Variants in CHST7 observed in about 807,000 individuals in gnomAD.
CHST7 encodes the protein carbohydrate sulfotransferase 7, also known as N-acetylglucosamine 6-O-sulfotransferase 4.
In CHST7, 5 loss-of-function variants were observed where a neutral mutation model predicts 9.0. The observed-to-expected ratio is 0.56, with a 90% CI of 0.29 to 1.17. The LOEUF (loss-of-function observed/expected upper bound fraction) is 1.17, where lower values mean the gene tolerates loss of function less well. Among genes scored for constraint, CHST7 ranks in the 50% most tolerant of loss-of-function variants. The pLI is 0.08. For synonymous variants in CHST7, 244 were observed against 237.1 expected (o/e 1.03, Z -0.27); for missense variants, 377 against 485.1 (o/e 0.78, Z 2.09).
rs772615265 is a variant in CHST7, at chrX:46,574,813, G to T, written c.882G>T (p.Leu294=). The T allele has an allele frequency of 8.4e-6, 10 of 1,195,789 alleles. No homozygotes were observed. The highest frequency in any genetic ancestry group is 9.0e-6 in the Non-Finnish European group (8 of 887,620). The change falls in exon 1 of 2, where the codon CTG becomes CTT. Residue 294 remains leucine (L), a synonymous_variant. Coordinates refer to ENST00000276055, the MANE Select transcript of CHST7 (RefSeq NM_019886.4). Reference sequence around the variant, plus strand: ...CGCGCCTCAAGTCTAGGCAGGGACTGCTGCGCGAGAGCATCCAGGTGCTGC... The same window carrying T: ...CGCGCCTCAAGTCTAGGCAGGGACTTCTGCGCGAGAGCATCCAGGTGCTGC... The part of the protein sequence containing the change: ...HNSRLKSRQG[L]LRESIQVLRT...
chrX:46,586,708 T>C (rs1942551071), intron 1 of CHST7, among the ~76,000 whole-genome samples: 1 of 111,597 alleles, frequency 9.0e-6, no homozygotes, highest in Non-Finnish European at 1.9e-5. Flanking sequence ...AAAAGTCAAC[T>C]AGGCAAACTC....
chrX:46,574,926 CCGCCGCGCCGCG>C lies in CHST7; in HGVS notation c.1001_1012del (p.Ala334_Ala337del), dbSNP rs758512269. On this transcript the variant is annotated inframe_deletion, in exon 1 of 2. Coordinates refer to ENST00000276055, the MANE Select transcript of CHST7 (RefSeq NM_019886.4). Reference sequence around the variant, plus strand: ...CCCGGGGGCCAGTCTCGCGCGCTGCCCGCCGCGCCGCGCGCCGATTTCTTCCTGACCGGTGCG... The same window carrying C: ...CCCGGGGGCCAGTCTCGCGCGCTGCCCGCCGATTTCTTCCTGACCGGTGCG... 1 of 1,141,322 alleles carries C rather than the reference CCGCCGCGCCGCG, an allele frequency of 8.8e-7. No homozygotes were observed. Among genetic ancestry groups the C allele is most frequent in the Non-Finnish European group, 1.2e-6 (1 of 869,234 alleles). 94.1% of individuals were successfully genotyped at this position (1,141,322 alleles called of 1,213,427 possible). A position where few individuals can be genotyped will look rare whatever the true frequency, so the allele number is the denominator to read the frequency against.
At chrX:46,577,290 T>G (rs1167863346) in intron 1 of CHST7, among the ~76,000 whole-genome samples, 3 of 110,518 alleles carry the variant, frequency 2.7e-5, no homozygotes, top group African/African-American at 9.9e-5. Context: ...GTGTTGCTGT[T>G]TGGAAGGCCG....
At chrX:46,587,402 T>C (rs1942554750) in intron 1 of CHST7, among the ~76,000 whole-genome samples, 1 of 111,374 alleles carries the variant, frequency 9.0e-6, no homozygotes, top group African/African-American at 3.3e-5. Flanking sequence ...CTCTATTTCT[T>C]TTTAAACCTG....
At chrX:46,595,954 A>G (rs1281436698) in intron 1 of CHST7, among the ~76,000 whole-genome samples, 1 of 110,483 alleles carries the variant, frequency 9.1e-6, no homozygotes, top group Non-Finnish European at 1.9e-5. Context: ...CCTGGCCAAC[A>G]TGGTGAAACC....
At chrX:46,582,336 G>A (rs1942529362) in intron 1 of CHST7, among the ~76,000 whole-genome samples, 1 of 112,292 alleles carries the variant, frequency 8.9e-6, no homozygotes, top group African/African-American at 3.2e-5. Flanking sequence ...TACATTTTGA[G>A]AGGTAATGTT....
chrX:46,580,759 G>A (rs1336947792), intron 1 of CHST7, among the ~76,000 whole-genome samples: 2 of 111,276 alleles, frequency 1.8e-5, no homozygotes, highest in African/African-American at 6.5e-5. Context: ...CAAAGCAAGG[G>A]GTGGACATAA....
In CHST7 at chrX:46,598,294, C is replaced by T. The variant is rs1178913213; in HGVS notation, c.*566C>T. 1 of 112,395 alleles carries T rather than the reference C, an allele frequency of 8.9e-6. No individual in the cohort carries two copies. Among genetic ancestry groups the T allele is most frequent in the Non-Finnish European group, 1.9e-5 (1 of 53,282 alleles). The allele number at this position is 112,395 out of a possible 1,213,427, so 9.3% of individuals were successfully genotyped here. A position where few individuals can be genotyped will look rare whatever the true frequency, so the allele number is the denominator to read the frequency against. Reference sequence around the variant, plus strand: ...ATTTTTAAAAAGAAGTAATTTTTCTCCCTGGGCTGGGAAAACCCTAATGAA... The same window carrying T: ...ATTTTTAAAAAGAAGTAATTTTTCTTCCTGGGCTGGGAAAACCCTAATGAA... On this transcript the variant is annotated 3_prime_UTR_variant, in exon 2 of 2. Transcript: ENST00000276055.
intron 1 of CHST7, among the ~76,000 whole-genome samples, chrX:46,589,489 G>C (rs997541822): frequency 4.6e-5 from 5 of 108,773 alleles, no homozygotes; most frequent in African/African-American, 1.7e-4. Context: ...GGTAGAGGCT[G>C]CAGTGAGCCA....
chrX:46,580,126 C>T (rs765241514), intron 1 of CHST7, among the ~76,000 whole-genome samples: 7 of 103,267 alleles, frequency 6.8e-5, no homozygotes, highest in South Asian at 4.5e-4. Context: ...GGTGCGATCT[C>T]GGCTCACTGC....
chrX:46,583,698 C>G (rs1249502132), intron 1 of CHST7, among the ~76,000 whole-genome samples: 1 of 112,402 alleles, frequency 8.9e-6, no homozygotes, highest in African/African-American at 3.2e-5. Context: ...GGGTGCCCAT[C>G]ACCTCGAGTG....
chrX:46,593,060 A>G (rs967686921), intron 1 of CHST7, among the ~76,000 whole-genome samples: 4 of 109,986 alleles, frequency 3.6e-5, no homozygotes, highest in Non-Finnish European at 7.6e-5. Context: ...TATTATTTCA[A>G]TTTTTAAACA....
intron 1 of CHST7, among the ~76,000 whole-genome samples, chrX:46,580,969 C>A (rs932415587): frequency 2.7e-5 from 3 of 111,077 alleles, no homozygotes; most frequent in African/African-American, 9.8e-5. Flanking sequence ...GCGTAGTGGC[C>A]CATGCCTGTA....
rs1322592144 is a variant in CHST7 at position 46,574,330 on chromosome X, C to T, written c.399C>T (p.Pro133=). The T allele has an allele frequency of 8.3e-7, 1 of 1,211,441 alleles. No individual in the cohort carries two copies. The highest frequency in any genetic ancestry group is 2.2e-5 in the Admixed American group (1 of 46,156). ...CGGACGTTTTCTACTTGTATGAGCC[C>T]ATGTGGCATCTATGGCAGGCGCTGT... The part of the protein sequence containing the change: ...QHPDVFYLYE[P]MWHLWQALYP... The change falls in exon 1 of 2, where the codon CCC becomes CCT. Residue 133 remains proline (P), a synonymous_variant. Coordinates refer to ENST00000276055, the MANE Select transcript of CHST7 (RefSeq NM_019886.4).
intron 1 of CHST7, among the ~76,000 whole-genome samples, chrX:46,581,369 AACAT>A (rs1569491397): frequency 6.5e-5 from 7 of 107,552 alleles, no homozygotes; most frequent in Non-Finnish European, 1.2e-4. Flanking sequence ...CAGCCTGACC[AACAT>A]GGTGAAACCC....
Position 46,574,777 on chromosome X carries a change from G to T in CHST7, c.846G>T (p.Ala282=). 1 of 1,205,182 alleles carries T rather than the reference G, an allele frequency of 8.3e-7. No homozygotes were observed. The highest frequency in any genetic ancestry group is 1.8e-5 in the South Asian group (1 of 55,650). The change falls in exon 1 of 2, where the codon GCG becomes GCT. Residue 282 remains alanine, a synonymous_variant. Coordinates refer to ENST00000276055, the MANE Select transcript of CHST7 (RefSeq NM_019886.4). The part of the protein sequence containing the change: ...KVVQLFRDPR[A]VHNSRLKSRQ... The stretch of plus-strand genomic sequence containing the variant: ...TGCAGCTTTTCCGCGACCCGAGGGC[G>T]GTGCACAACTCGCGCCTCAAGTCTA...
intron 1 of CHST7, among the ~76,000 whole-genome samples, chrX:46,585,948 A>G (rs1036795390): frequency 3.6e-5 from 4 of 110,745 alleles, no homozygotes; most frequent in African/African-American, 1.3e-4. Flanking sequence ...GGGTTTCCCC[A>G]TGTTGGCCAG....
chrX:46,580,300 C>A (rs899620915), intron 1 of CHST7, among the ~76,000 whole-genome samples: 2 of 111,372 alleles, frequency 1.8e-5, no homozygotes, highest in African/African-American at 3.3e-5. Flanking sequence ...CCTCGTGATC[C>A]ACCCGCCTCG....
rs1292641951 is a variant in CHST7 at position 46,574,956 on chromosome X, C to T, written c.1025C>T (p.Thr342Ile). Residue 342 changes from threonine to isoleucine, a missense_variant, in exon 1 of 2, where the codon ACC becomes ATC. By Grantham distance (89) the Thr-to-Ile change is moderately conservative. Transcript: ENST00000276055. ...PAAPRADFFL[T>I]GALEVICEAW... ...GCGCCGCGCGCCGATTTCTTCCTGA[C>T]CGGTGCGCTCGAGGTGATCTGCGAA... is the stretch of plus-strand genomic sequence containing the variant. 3.4e-6 allele frequency: 4 copies of T among 1,159,587 alleles called. No homozygotes were observed. Among genetic ancestry groups the T allele is most frequent in the Non-Finnish European group, 4.6e-6 (4 of 878,911 alleles).
Sources: gnomAD v4.1 joint callset for allele counts (sites outside exome capture counted in the v4.1 genomes callset) on GRCh38, gnomAD v4.1.1 for gene constraint, MANE v1.5 for transcripts, NCBI Gene and HGNC (gene_info 2026-07-23, HGNC 2026-07-21) for gene names.